The following RSRC1 variants were observed in gnomAD, a reference collection of about 807,000 sequenced individuals.
RSRC1 encodes the protein arginine and serine rich coiled-coil 1, also known as serine/Arginine-related protein 53.
RSRC1 carries 39 observed loss-of-function variants against 49.1 expected under a neutral mutation model. The ratio of observed to expected loss-of-function variants is 0.79; its 90% CI spans 0.61 to 1.04. The LOEUF (loss-of-function observed/expected upper bound fraction) is 1.04, where lower values mean the gene tolerates loss of function less well. Ranked by LOEUF, RSRC1 falls within the 50% of genes least tolerant of loss-of-function variation. The pLI is 0.00. For missense variants in RSRC1, 388 were observed against 402.4 expected, an observed-to-expected ratio of 0.96 and a Z score of 0.31; for synonymous variants, 143 against 130.8, an observed-to-expected ratio of 1.09 and a Z score of -0.63.
rs538469538 is a variant in RSRC1 at position 158,291,117 on chromosome 3, C to G, written c.495-6922C>G. ...TTGGGAGCCTGAGGATGGAGGGCCA[C>G]TTGGGCCCAGGAGTTAGAGTCTAAC... On this transcript the variant is annotated intron_variant, in intron 4 of 9. Coordinates refer to ENST00000611884, the MANE Select transcript of RSRC1 (RefSeq NM_001271838.2). 9.2e-5 allele frequency among the ~76,000 whole-genome samples: 14 copies of G among 152,288 alleles called. No homozygotes were observed. In the South Asian group the frequency reaches 2.5e-3, roughly 27 times the overall value.
intron 4 of RSRC1, 143 bp from the exon 5 acceptor site, chr3:158,297,894 TTG>T: frequency 1.7e-6 from 1 of 603,398 alleles, no homozygotes; most frequent in South Asian, 2.2e-5. Flanking sequence ...TTGATAAAAA[TTG>T]TTTTGTCCTT....
intron 6 of RSRC1, among the ~76,000 whole-genome samples, chr3:158,379,814 G>GCACACACACACA (rs140953408): frequency 0.24 from 35,896 of 146,710 alleles, 4,620 homozygotes; most frequent in Middle Eastern, 0.32. Flanking sequence ...ACACGCGCAT[G>GCACACACACACA]CACACACACA....
chr3:158,162,346 A>G (rs1718280707), intron 3 of RSRC1, among the ~76,000 whole-genome samples: 1 of 152,196 alleles, frequency 6.6e-6, no homozygotes, highest in Non-Finnish European at 1.5e-5. Context: ...CTACTGGTAT[A>G]TACTTTCCAT....
chr3:158,222,137 T>A (rs926072259), intron 4 of RSRC1, among the ~76,000 whole-genome samples: 2 of 151,578 alleles, frequency 1.3e-5, no homozygotes, highest in Non-Finnish European at 3.0e-5. Flanking sequence ...TATTTACATA[T>A]AGAGCACTAT....
chr3:158,224,583 G>C (rs1169344912), intron 4 of RSRC1, among the ~76,000 whole-genome samples: 3 of 151,734 alleles, frequency 2.0e-5, no homozygotes, highest in African/African-American at 4.8e-5. Context: ...GGAATTAAAG[G>C]CTTTCTCATT....
chr3:158,244,984 G>T, intron 4 of RSRC1, among the ~76,000 whole-genome samples: 1 of 140,430 alleles, frequency 7.1e-6, no homozygotes, highest in Non-Finnish European at 1.5e-5. Context: ...CCAGCTCCTG[G>T]ATTTGTAGAT....
At chr3:158,499,269 C>T (rs188011180) in intron 7 of RSRC1, among the ~76,000 whole-genome samples, 40 of 152,042 alleles carry the variant, frequency 2.6e-4, no homozygotes, top group Middle Eastern at 3.4e-3. Context: ...CCCAGCTACT[C>T]GGGAGGCTGA....
At chr3:158,208,982 T>G (rs1721507232) in intron 4 of RSRC1, among the ~76,000 whole-genome samples, 1 of 152,184 alleles carries the variant, frequency 6.6e-6, no homozygotes, top group African/African-American at 2.4e-5. Flanking sequence ...AAATATGTCT[T>G]TGAAAAATTA....
At chr3:158,190,624 G>T in intron 3 of RSRC1, among the ~76,000 whole-genome samples, 1 of 145,812 alleles carries the variant, frequency 6.9e-6, no homozygotes, top group African/African-American at 2.5e-5. Context: ...TTTTTTCCTG[G>T]AATTTTTTTT....
At chr3:158,452,018 T>C (rs1453882795) in intron 6 of RSRC1, among the ~76,000 whole-genome samples, 1 of 152,110 alleles carries the variant, frequency 6.6e-6, no homozygotes, top group Non-Finnish European at 1.5e-5. Flanking sequence ...AAGAGACTTT[T>C]TGGATTTTCT....
intron 6 of RSRC1, among the ~76,000 whole-genome samples, chr3:158,376,948 G>A (rs1732410392): frequency 6.6e-6 from 1 of 152,086 alleles, no homozygotes; most frequent in African/African-American, 2.4e-5. Context: ...TCTACAGTTG[G>A]GGGTGTTGTG....
In RSRC1 at chr3:158,194,491, C is replaced by CTT. The variant is rs368635096; in HGVS notation, c.321-8565_321-8564dup. Among the ~76,000 whole-genome samples the CTT allele has an allele frequency of 2.5e-3, 315 of 126,554 alleles. 3 individuals carry two copies. In the East Asian group the frequency reaches 0.035, roughly 14 times the overall value. 83.0% of individuals were successfully genotyped at this position (126,554 alleles called of 152,430 possible). ...CGAGGAGCTTCAGCACTTTGAGATT[C>CTT]TTTTTTTTTTTTTTTTTAATTATAC... On this transcript the variant is annotated intron_variant, in intron 3 of 9. Transcript: ENST00000611884.
At chr3:158,248,497 T>C (rs1724029163) in intron 4 of RSRC1, among the ~76,000 whole-genome samples, 1 of 152,192 alleles carries the variant, frequency 6.6e-6, no homozygotes, top group South Asian at 2.1e-4. Context: ...TTTTTGACTA[T>C]TACTGGTAAA....
chr3:158,149,278 A>C (rs1717364791), intron 3 of RSRC1, among the ~76,000 whole-genome samples: 1 of 152,148 alleles, frequency 6.6e-6, no homozygotes, highest in African/African-American at 2.4e-5. Context: ...TTCTAACTGC[A>C]TCATTTTCTC....
chr3:158,287,562 C>T (rs898440605), intron 4 of RSRC1, among the ~76,000 whole-genome samples: 3 of 151,896 alleles, frequency 2.0e-5, no homozygotes, highest in Admixed American at 2.0e-4. Context: ...ACCTAAATGT[C>T]CAAAAATAAG....
At chr3:158,377,478 TAAA>T (rs935776503) in intron 6 of RSRC1, among the ~76,000 whole-genome samples, 3 of 152,088 alleles carry the variant, frequency 2.0e-5, no homozygotes, top group African/African-American at 7.2e-5. Context: ...TTTGGTTGTT[TAAA>T]AGAGTGTAGT....
intron 4 of RSRC1, among the ~76,000 whole-genome samples, chr3:158,236,116 C>CAAAA (rs202061212): frequency 7.3e-6 from 1 of 136,278 alleles, no homozygotes. Flanking sequence ...AGTCTTGTCT[C>CAAAA]AAAAAAAAAA....
At chr3:158,170,547 A>C (rs1718822307) in intron 3 of RSRC1, among the ~76,000 whole-genome samples, 1 of 152,164 alleles carries the variant, frequency 6.6e-6, no homozygotes, top group Non-Finnish European at 1.5e-5. Context: ...GTTTGGAAAC[A>C]ATAGCAAGTA....
intron 6 of RSRC1, among the ~76,000 whole-genome samples, chr3:158,365,188 T>G (rs572191675): frequency 6.6e-6 from 1 of 152,202 alleles, no homozygotes; most frequent in Non-Finnish European, 1.5e-5. Context: ...CTGGGATACA[T>G]GTGCCGAACA....
Sources: allele counts gnomAD v4.1 joint callset (sites outside exome capture counted in the v4.1 genomes callset), GRCh38; gene constraint gnomAD v4.1.1; transcripts MANE v1.5; gene names NCBI Gene and HGNC (gene_info 2026-07-23, HGNC 2026-07-21).